The following GNB3 variants were observed in gnomAD, a reference collection of about 807,000 sequenced individuals.
GNB3 encodes the protein guanine nucleotide-binding protein G(I)/G(S)/G(T) subunit beta-3.
In GNB3, 33 loss-of-function variants were observed where a neutral mutation model predicts 41.2. The observed-to-expected ratio is 0.80, with a 90% CI of 0.61 to 1.07. The LOEUF (loss-of-function observed/expected upper bound fraction) is 1.07, where lower values mean the gene tolerates loss of function less well. Ranked by LOEUF, GNB3 falls within the 50% of genes least tolerant of loss-of-function variation. The probability of loss-of-function intolerance (pLI) is 0.00; values close to 1 mark genes in which losing one functional copy is unlikely to be tolerated. For synonymous variants in GNB3, 172 were observed against 173.4 expected (o/e 0.99, Z 0.06); for missense variants, 409 against 455.3 (o/e 0.90, Z 0.92).
intron 8 of GNB3, among the ~76,000 whole-genome samples, chr12:6,844,600 G>T (rs1371225245): frequency 6.6e-6 from 1 of 152,090 alleles, no homozygotes; most frequent in East Asian, 1.9e-4. Flanking sequence ...TTTGATTTTT[G>T]TGTAGAGATG....
In GNB3 at chr12:6,841,032, A is replaced by C. The variant is rs1420817514; in HGVS notation, c.-32A>C. On this transcript the variant is annotated splice_region_variant and 5_prime_UTR_variant, in exon 1 of 10. Transcript: ENST00000229264. ...CCCGGCCGAGGTCCAGCCAGAGCCC[A>C]AGTAAGAGGGAGCTGGCCTGGGCTC... The C allele has an allele frequency of 3.6e-6, 2 of 549,086 alleles. No homozygotes were observed. Among genetic ancestry groups the C allele is most frequent in the Non-Finnish European group, 6.5e-6 (2 of 309,616 alleles). The allele number at this position is 549,086 out of a possible 1,614,324, so 34.0% of individuals were successfully genotyped here.
At chr12:6,844,118 T>TTTTG in intron 8 of GNB3, 140 bp downstream of exon 8, 1 of 583,880 alleles carries the variant, frequency 1.7e-6, no homozygotes, top group Non-Finnish European at 2.8e-6. Context: ...TTTTTTTTTT[T>TTTTG]TGAGACAGAG....
At chr12:6,841,535 C>T (rs782072645) in intron 2 of GNB3, 51 bp from the exon 3 acceptor site, 6 of 1,527,996 alleles carry the variant, frequency 3.9e-6, no homozygotes, top group East Asian at 4.5e-5. Flanking sequence ...GGCCCATGCA[C>T]CTGCCACCCC....
chr12:6,846,703 A>ACACC, intron 9 of GNB3, 89 bp from the exon 10 acceptor site: 2 of 720,758 alleles, frequency 2.8e-6, no homozygotes, highest in Non-Finnish European at 4.9e-6. Context: ...ACACACACCC[A>ACACC]CACACCCACA....
In GNB3 at chr12:6,843,211, G is replaced by T. The variant is rs45616032; in HGVS notation, c.241G>T (p.Val81Leu). 1 of 1,613,890 alleles carries T rather than the reference G, an allele frequency of 6.2e-7. No individual in the cohort carries two copies. The highest frequency in any genetic ancestry group is 8.5e-7 in the Non-Finnish European group (1 of 1,179,816). The change falls in exon 5 of 10, where the codon GTG becomes TTG. Residue 81 changes from valine (V) to leucine (L), a missense_variant. Transcript: ENST00000229264. The surrounding 1 kb of genome is among the most constrained non-coding windows in gnomAD (Gnocchi z 5.9). ...VSASQDGKLI[V>L]WDSYTTNKVH... ...TGCCTCGCAAGATGGGAAGCTGATC[G>T]TGTGGGACAGCTACACCACCAACAA...
intron 3 of GNB3, 71 bp downstream of exon 3, chr12:6,841,695 G>T: frequency 1.8e-6 from 2 of 1,107,144 alleles, no homozygotes; most frequent in Non-Finnish European, 2.7e-6. Context: ...CCGCAATAGC[G>T]CGTTGCTCCG....
chr12:6,841,608 A>T lies in GNB3; in HGVS notation c.80A>T (p.Asp27Val). 6.2e-7 allele frequency: 1 copy of T among 1,613,554 alleles called. No homozygotes were observed. Among genetic ancestry groups the T allele is most frequent in the Non-Finnish European group, 8.5e-7 (1 of 1,179,736 alleles). The change falls in exon 3 of 10, where the codon GAC becomes GTC. Residue 27 changes from aspartate (D) to valine (V), a missense_variant. Transcript: ENST00000229264. ...QIADARKACA[D>V]VTLAELVSGL... is the part of the protein sequence containing the mutation. The stretch of plus-strand genomic sequence containing the variant: ...CAGGATGCCAGGAAAGCCTGTGCTG[A>T]CGTTACTCTGGCAGAGGTAAGACCC...
At chr12:6,844,829 G>C (rs1369776986) in intron 8 of GNB3, 1 of 152,168 alleles carries the variant, frequency 6.6e-6, no homozygotes, top group African/African-American at 2.4e-5. Flanking sequence ...TGTGTCTTTT[G>C]AAAGTAGGTT....
chr12:6,843,701 G>A lies in GNB3; in HGVS notation c.497+3G>A, dbSNP rs782697401. 95 of 1,613,920 alleles carry A rather than the reference G, an allele frequency of 5.9e-5. No individual in the cohort carries two copies. The highest frequency in any genetic ancestry group is 7.8e-5 in the Non-Finnish European group (92 of 1,179,870). On this transcript the variant is annotated splice_donor_region_variant and intron_variant, in intron 7 of 9. Transcript: ENST00000229264. The surrounding 1 kb of genome is among the most constrained non-coding windows in gnomAD (Gnocchi z 5.9). The stretch of plus-strand genomic sequence containing the variant: ...ACCAGCTCGGGGGACACCACGTGGT[G>A]AGGCTGAACATTGCTGGTGCTGGGG...
At chr12:6,841,545 C>A in intron 2 of GNB3, 41 bp from the exon 3 acceptor site, 1 of 1,572,978 alleles carries the variant, frequency 6.4e-7, no homozygotes, top group Non-Finnish European at 8.7e-7. Context: ...CCTGCCACCC[C>A]CACCTCGCCC....
At position 6,843,128 on chromosome 12, in the gene GNB3, A is replaced by G; in HGVS notation, c.204-46A>G. On this transcript the variant is annotated intron_variant, in intron 4 of 9. Coordinates refer to ENST00000229264, the MANE Select transcript of GNB3 (RefSeq NM_002075.4). The surrounding 1 kb of genome is among the most constrained non-coding windows in gnomAD (Gnocchi z 5.9). ...GGGAGGGTGAGAGCGGGAGTGAGGA[A>G]GGCGGGAAGGGGAGGCTTGCATGAT... 6.2e-7 allele frequency: 1 copy of G among 1,606,506 alleles called. No homozygotes were observed. The highest frequency in any genetic ancestry group is 8.5e-7 in the Non-Finnish European group (1 of 1,173,180).
At chr12:6,844,819 T>A (rs1943652156) in intron 8 of GNB3, 1 of 152,258 alleles carries the variant, frequency 6.6e-6, no homozygotes, top group Admixed American at 6.5e-5. Flanking sequence ...ATTTTCTTTC[T>A]GTGTCTTTTG....
chr12:6,841,360 T>C lies in GNB3; in HGVS notation c.57+16T>C, dbSNP rs1014286127. 2.5e-6 allele frequency: 4 copies of C among 1,609,902 alleles called. No homozygotes were observed. The highest frequency in any genetic ancestry group is 3.4e-6 in the Non-Finnish European group (4 of 1,177,396). On this transcript the variant is annotated intron_variant, in intron 2 of 9. Transcript: ENST00000229264. The stretch of plus-strand genomic sequence containing the variant: ...GCAGATTGCAGTAACTCCAGAGCCC[T>C]ACCCCTGGGGCCCCAGAAAACAGCT...
chr12:6,842,412 A>T (rs782631772), intron 3 of GNB3, among the ~76,000 whole-genome samples: 10 of 152,308 alleles, frequency 6.6e-5, no homozygotes, highest in South Asian at 4.1e-4. Context: ...TTAACTTTTT[A>T]AAAAAAGATA....
intron 9 of GNB3, 57 bp downstream of exon 9, chr12:6,845,859 C>A: frequency 8.2e-7 from 1 of 1,224,898 alleles, no homozygotes; most frequent in Non-Finnish European, 1.2e-6. Flanking sequence ...CCCAGCCCTC[C>A]CTCCCCATTC....
chr12:6,846,440 T>TC (rs1555124732), intron 9 of GNB3: 2 of 203,516 alleles, frequency 9.8e-6, no homozygotes, highest in Non-Finnish European at 2.0e-5. Context: ...TCGGGTTTTT[T>TC]CATAGTACAC....
Position 6,841,023 on chromosome 12 carries a change from C to G in GNB3, c.-41C>G. 1.9e-6 allele frequency: 1 copy of G among 536,292 alleles called. No homozygotes were observed. The highest frequency in any genetic ancestry group is 3.6e-5 in the Admixed American group (1 of 28,168). 33.2% of individuals were successfully genotyped at this position (536,292 alleles called of 1,614,324 possible). A position where few individuals can be genotyped will look rare whatever the true frequency, so the allele number is the denominator to read the frequency against. ...AGCTGGAAACCCGGCCGAGGTCCAG[C>G]CAGAGCCCAAGTAAGAGGGAGCTGG... On this transcript the variant is annotated 5_prime_UTR_variant, in exon 1 of 10. Coordinates refer to ENST00000229264, the MANE Select transcript of GNB3 (RefSeq NM_002075.4).
At chr12:6,841,654 G>A in intron 3 of GNB3, 30 bp downstream of exon 3, 2 of 1,583,436 alleles carry the variant, frequency 1.3e-6, no homozygotes, top group South Asian at 1.1e-5. Context: ...GGAAGGCAGG[G>A]CATGGGGGGA....
At chr12:6,841,415 G>A (rs1446377137) in intron 2 of GNB3, 71 bp downstream of exon 2, 41 of 1,415,702 alleles carry the variant, frequency 2.9e-5, no homozygotes, top group Non-Finnish European at 3.7e-5. Flanking sequence ...CCCAGGGGGA[G>A]GGGGCTGGGT....
Sources: gnomAD v4.1 joint callset for allele counts (sites outside exome capture counted in the v4.1 genomes callset) on GRCh38, gnomAD v4.1.1 for gene constraint, Gnocchi (gnomAD v3.1) non-coding constraint, MANE v1.5 for transcripts, NCBI Gene and HGNC (gene_info 2026-07-23, HGNC 2026-07-21) for gene names.